The following UGT1A6 variants were observed in gnomAD, a reference collection of about 807,000 sequenced individuals.
UGT1A6 encodes the protein UDP-glucuronosyltransferase 1A6.
In UGT1A6, 32 loss-of-function variants were observed where a neutral mutation model predicts 44.4. That is an observed-to-expected ratio of 0.72 (90% CI 0.54 to 0.97). UGT1A6 has a LOEUF of 0.97. Among genes scored for constraint, UGT1A6 ranks in the 50% least tolerant of loss-of-function variants. UGT1A6 has a pLI of 0.00. For missense variants in UGT1A6, 685 were observed against 661.9 expected, an observed-to-expected ratio of 1.03 and a Z score of -0.38; for synonymous variants, 238 against 248.5, an observed-to-expected ratio of 0.96 and a Z score of 0.40.
intron 1 of UGT1A6, among the ~76,000 whole-genome samples, chr2:233,757,319 C>T (rs999230342): frequency 1.7e-4 from 25 of 147,060 alleles, no homozygotes; most frequent in Non-Finnish European, 3.3e-4. Flanking sequence ...GGGGCTGGGG[C>T]CCTGAAATGG....
chr2:233,714,063 G>A (rs2076363404), intron 1 of UGT1A6, among the ~76,000 whole-genome samples: 1 of 152,154 alleles, frequency 6.6e-6, no homozygotes, highest in Admixed American at 6.5e-5. Flanking sequence ...TGAGAGGAAG[G>A]AGAGGCAGGG....
At chr2:233,734,042 CA>C (rs1279505010) in intron 1 of UGT1A6, among the ~76,000 whole-genome samples, 9 of 152,058 alleles carry the variant, frequency 5.9e-5, no homozygotes, top group Non-Finnish European at 1.5e-5. Context: ...ACCAACATGG[CA>C]CATGTATACA....
In UGT1A6 at chr2:233,760,531, C is replaced by T. The variant is rs1397137648; in HGVS notation, c.862-6503C>T. 4 of 1,614,130 alleles carry T rather than the reference C, an allele frequency of 2.5e-6. No homozygotes were observed. Among genetic ancestry groups the T allele is most frequent in the Non-Finnish European group, 3.4e-6 (4 of 1,180,056 alleles). ...TTACACCTTGAAGACGTACCCTGTG[C>T]CATTCCAAAGGGAGGATGTGAAAGA... is the stretch of plus-strand genomic sequence containing the variant. On this transcript the variant is annotated intron_variant, in intron 1 of 4. Coordinates refer to ENST00000305139, the MANE Select transcript of UGT1A6 (RefSeq NM_001072.4).
At chr2:233,729,133 A>G in intron 1 of UGT1A6, 1 of 1,613,236 alleles carries the variant, frequency 6.2e-7, no homozygotes, top group Non-Finnish European at 8.5e-7. Flanking sequence ...TGAGATGGCC[A>G]CAGGACTCCA....
At chr2:233,746,247 A>G (rs939163155) in intron 1 of UGT1A6, among the ~76,000 whole-genome samples, 1 of 151,776 alleles carries the variant, frequency 6.6e-6, no homozygotes, top group Non-Finnish European at 1.5e-5. Context: ...AAAAGATACA[A>G]GGCAGAACAG....
At chr2:233,719,033 A>C (rs754383567) in intron 1 of UGT1A6, 11 of 1,614,270 alleles carry the variant, frequency 6.8e-6, no homozygotes, top group Non-Finnish European at 9.3e-6. Flanking sequence ...ACATCAAAGA[A>C]GAGAAATTTT....
In UGT1A6 at chr2:233,760,701, C is replaced by G. The variant is rs768185321; in HGVS notation, c.862-6333C>G. 6.8e-6 allele frequency: 11 copies of G among 1,614,172 alleles called. No individual in the cohort carries two copies. In the Admixed American group the frequency reaches 1.8e-4, roughly 27 times the overall value. ...TACTGCACAACAAGGAGCTCATGGCCTCCCTGGCAGAAAGCAGCTTTGATG... is the reference window on the plus strand; with the variant it reads ...TACTGCACAACAAGGAGCTCATGGCGTCCCTGGCAGAAAGCAGCTTTGATG... On this transcript the variant is annotated intron_variant, in intron 1 of 4. Transcript: ENST00000305139.
intron 1 of UGT1A6, among the ~76,000 whole-genome samples, chr2:233,720,226 G>C (rs989732732): frequency 6.6e-6 from 1 of 152,194 alleles, no homozygotes; most frequent in Non-Finnish European, 1.5e-5. Flanking sequence ...CATGTGATCA[G>C]AGAATGAAAC....
At chr2:233,724,137 G>C (rs1240134584) in intron 1 of UGT1A6, among the ~76,000 whole-genome samples, 1 of 114,506 alleles carries the variant, frequency 8.7e-6, no homozygotes, top group Non-Finnish European at 1.8e-5. Context: ...CCTCCCGGAC[G>C]GGGCGGCTGG....
chr2:233,729,225 G>A (rs376743890), intron 1 of UGT1A6: 6 of 1,614,040 alleles, frequency 3.7e-6, no homozygotes, highest in Admixed American at 1.7e-5. Context: ...AGGTGTTGGT[G>A]GTGCCCATTG....
Position 233,741,236 on chromosome 2 carries a change from A to C in UGT1A6, c.862-25798A>C, listed in dbSNP as rs1691598221. ...AGTTGTTACAGACCCACTACCTCTG[A>C]GTGACACTGGTATGCCACTCTTTGC... On this transcript the variant is annotated intron_variant, in intron 1 of 4. Coordinates refer to ENST00000305139, the MANE Select transcript of UGT1A6 (RefSeq NM_001072.4). 1.3e-5 allele frequency among the ~76,000 whole-genome samples: 2 copies of C among 151,870 alleles called. 1 individual carries two copies. The highest frequency in any genetic ancestry group is 4.9e-5 in the African/African-American group (2 of 41,122).
intron 1 of UGT1A6, among the ~76,000 whole-genome samples, chr2:233,756,569 C>G (rs1206188588): frequency 6.6e-6 from 1 of 152,130 alleles, no homozygotes; most frequent in Non-Finnish European, 1.5e-5. Flanking sequence ...TCCTCTCAGA[C>G]AAAAGGAAAT....
At chr2:233,719,629 T>C in intron 1 of UGT1A6, 1 of 1,614,102 alleles carries the variant, frequency 6.2e-7, no homozygotes, top group Admixed American at 1.7e-5. Flanking sequence ...AGGCCGATCA[T>C]GCCCAACATG....
In UGT1A6 at chr2:233,769,710, C is replaced by T. The variant is rs1472517831; in HGVS notation, c.1301+1271C>T. 9.9e-6 allele frequency: 15 copies of T among 1,507,706 alleles called. No homozygotes were observed. Among genetic ancestry groups the T allele is most frequent in the African/African-American group, 1.4e-5 (1 of 72,712 alleles). The allele number at this position is 1,507,706 out of a possible 1,614,324, so 93.4% of individuals were successfully genotyped here. A position where few individuals can be genotyped will look rare whatever the true frequency, so the allele number is the denominator to read the frequency against. On this transcript the variant is annotated intron_variant, in intron 4 of 4. Transcript: ENST00000305139. The surrounding 1 kb of genome is among the most constrained non-coding windows in gnomAD (Gnocchi z 4.4). ...GCACTGGATAAAAGATCAATGTTGG[C>T]TAGGCACCATGGCACACGCCTGTAG...
intron 1 of UGT1A6, among the ~76,000 whole-genome samples, chr2:233,734,400 T>G (rs76797219): frequency 6.6e-6 from 1 of 152,204 alleles, no homozygotes; most frequent in South Asian, 2.1e-4. Context: ...TTGCGTCTAT[T>G]TGATTCTTCT....
chr2:233,693,179 G>C lies in UGT1A6; in HGVS notation c.175G>C (p.Val59Leu). 1.2e-6 allele frequency: 2 copies of C among 1,614,162 alleles called. No individual in the cohort carries two copies. The highest frequency in any genetic ancestry group is 1.7e-6 in the Non-Finnish European group (2 of 1,180,002). ...LSDRGHEIVV[V>L]VPEVNLLLKE... ...TGACCGGGGTCATGAGATTGTAGTG[G>C]TGGTGCCTGAAGTTAATTTGCTTTT... is the stretch of plus-strand genomic sequence containing the variant. Residue 59 changes from valine to leucine, a missense_variant, in exon 1 of 5, where the codon GTG becomes CTG. Coordinates refer to ENST00000305139, the MANE Select transcript of UGT1A6 (RefSeq NM_001072.4).
In UGT1A6 at chr2:233,693,366, T is replaced by A. The variant is rs141940106; in HGVS notation, c.362T>A (p.Leu121Gln). ...AGGAATAACATGATTGTTATTGGCC[T>A]GTACTTCATCAACTGCCAGAGCCTC... is the stretch of plus-strand genomic sequence containing the variant. ...EYRNNMIVIGLYFINCQSLLQ... is the reference protein window; with the variant it reads ...EYRNNMIVIGQYFINCQSLLQ... The change falls in exon 1 of 5, where the codon CTG becomes CAG. Residue 121 changes from leucine to glutamine, a missense_variant. Coordinates refer to ENST00000305139, the MANE Select transcript of UGT1A6 (RefSeq NM_001072.4). The A allele has an allele frequency of 9.9e-5, 160 of 1,614,102 alleles. No homozygotes were observed. The highest frequency in any genetic ancestry group is 1.3e-4 in the Non-Finnish European group (148 of 1,180,044).
intron 1 of UGT1A6, among the ~76,000 whole-genome samples, chr2:233,697,785 G>A (rs143859460): frequency 1.6e-4 from 24 of 151,958 alleles, no homozygotes; most frequent in African/African-American, 4.1e-4. Context: ...ATTTTCATTC[G>A]TTTCAAGTAA....
chr2:233,725,050 G>C (rs2077352447), intron 1 of UGT1A6, among the ~76,000 whole-genome samples: 1 of 147,798 alleles, frequency 6.8e-6, no homozygotes, highest in South Asian at 2.3e-4. Flanking sequence ...AGTCAGGCGT[G>C]GCGGCGCGCG....
Sources: gnomAD v4.1 joint callset for allele counts (sites outside exome capture counted in the v4.1 genomes callset) on GRCh38, gnomAD v4.1.1 for gene constraint, Gnocchi (gnomAD v3.1) non-coding constraint, MANE v1.5 for transcripts, NCBI Gene and HGNC (gene_info 2026-07-23, HGNC 2026-07-21) for gene names.